FMNL2: variants seen among roughly 807,000 people sequenced by gnomAD.
The protein encoded by FMNL2 is formin like 2, also known as formin-like protein 2.
A neutral mutation model predicts 130.2 loss-of-function variants in FMNL2; 51 were observed. The observed-to-expected ratio is 0.39, with a 90% confidence interval of 0.31 to 0.49. The LOEUF (loss-of-function observed/expected upper bound fraction) is 0.49. FMNL2 is among the 20% of genes least tolerant of loss of function. The pLI is 0.85. For missense variants in FMNL2, 977 were observed against 1,316.2 expected (o/e 0.74, Z 3.99); for synonymous variants, 465 against 467.1 (o/e 1.00, Z 0.06).
chr2:152,457,078 A>T (rs866163058), intron 1 of FMNL2, among the ~76,000 whole-genome samples: 1 of 152,158 alleles, frequency 6.6e-6, no homozygotes, highest in African/African-American at 2.4e-5. Flanking sequence ...AATGGAGTTG[A>T]CTGTTAAACA....
At chr2:152,493,208 C>T (rs182410372) in intron 1 of FMNL2, among the ~76,000 whole-genome samples, 3 of 152,242 alleles carry the variant, frequency 2.0e-5, no homozygotes, top group East Asian at 1.9e-4. Flanking sequence ...AAAATGTTCT[C>T]GAGGTAGAGG....
Position 152,522,005 on chromosome 2 carries a change from A to G in FMNL2, c.180A>G (p.Lys60=), listed in dbSNP as rs752741344. The change falls in exon 2 of 26, where the codon AAA becomes AAG. Residue 60 remains lysine (K), a synonymous_variant. Coordinates refer to ENST00000288670, the MANE Select transcript of FMNL2 (RefSeq NM_052905.4). ...TGCGGCAGTATGATAATGAGAAAAA[A>G]TGGGAACTGATTTGTGATCAGGTAA... ...RLLRQYDNEK[K]WELICDQERF... is the part of the protein sequence containing the mutation. 1 of 1,611,388 alleles carries G rather than the reference A, an allele frequency of 6.2e-7. No individual in the cohort carries two copies. Among genetic ancestry groups the G allele is most frequent in the South Asian group, 1.1e-5 (1 of 90,142 alleles).
chr2:152,448,924 CT>C (rs1191124781), intron 1 of FMNL2, among the ~76,000 whole-genome samples: 1 of 152,198 alleles, frequency 6.6e-6, no homozygotes, highest in Non-Finnish European at 1.5e-5. Context: ...CTGTTTAGTG[CT>C]TTTAAGCCAT....
At chr2:152,339,944 G>C (rs1681704088) in intron 1 of FMNL2, among the ~76,000 whole-genome samples, 1 of 152,136 alleles carries the variant, frequency 6.6e-6, no homozygotes, top group Non-Finnish European at 1.5e-5. Flanking sequence ...ACTTTGGGAG[G>C]CTGAGGTGAG....
chr2:152,580,453 A>T (rs1228215410), intron 8 of FMNL2, among the ~76,000 whole-genome samples: 1 of 152,148 alleles, frequency 6.6e-6, no homozygotes, highest in Non-Finnish European at 1.5e-5. Flanking sequence ...AGAAACTTGT[A>T]TTTTCGTGGG....
chr2:152,509,663 G>A (rs1462187111), intron 1 of FMNL2, among the ~76,000 whole-genome samples: 1 of 150,902 alleles, frequency 6.6e-6, no homozygotes, highest in African/African-American at 2.4e-5. Context: ...TGGAGAGAAG[G>A]TGAGTGGGAT....
At chr2:152,522,053 T>C in intron 2 of FMNL2, 27 bp downstream of exon 2, 1 of 1,569,366 alleles carries the variant, frequency 6.4e-7, no homozygotes, top group South Asian at 1.2e-5. Context: ...CTTTCTTTTA[T>C]GAAAAAAGTA....
At chr2:152,400,806 T>G (rs1685651328) in intron 1 of FMNL2, among the ~76,000 whole-genome samples, 1 of 152,208 alleles carries the variant, frequency 6.6e-6, no homozygotes, top group Non-Finnish European at 1.5e-5. Context: ...CAACCAAAAA[T>G]GTCTGTAGAC....
chr2:152,395,688 A>G (rs896150709), intron 1 of FMNL2, among the ~76,000 whole-genome samples: 2 of 152,254 alleles, frequency 1.3e-5, no homozygotes, highest in Admixed American at 1.3e-4. Context: ...GCAGGCTCAC[A>G]TGAAATTGAG....
intron 1 of FMNL2, among the ~76,000 whole-genome samples, chr2:152,365,355 G>C (rs151313139): frequency 5.3e-5 from 8 of 152,250 alleles, no homozygotes; most frequent in African/African-American, 1.9e-4. Flanking sequence ...AGTTGCTATG[G>C]CTAGAAGAAC....
intron 2 of FMNL2, among the ~76,000 whole-genome samples, chr2:152,533,779 T>A (rs1693837942): frequency 6.6e-6 from 1 of 152,304 alleles, no homozygotes; most frequent in Admixed American, 6.5e-5. Context: ...TTTTAATATC[T>A]TGCAGGAATT....
chr2:152,467,039 C>CAGCT (rs1689585826), intron 1 of FMNL2, among the ~76,000 whole-genome samples: 1 of 152,194 alleles, frequency 6.6e-6, no homozygotes, highest in African/African-American at 2.4e-5. Context: ...GAGTGAGGTA[C>CAGCT]AGCTACTCCT....
chr2:152,459,736 G>A (rs2105117496), intron 1 of FMNL2, among the ~76,000 whole-genome samples: 1 of 152,304 alleles, frequency 6.6e-6, no homozygotes, highest in South Asian at 2.1e-4. Context: ...AGATAACTAT[G>A]TGAATACACT....
intron 1 of FMNL2, among the ~76,000 whole-genome samples, chr2:152,444,966 C>A (rs1688258226): frequency 6.6e-6 from 1 of 152,226 alleles, no homozygotes; most frequent in South Asian, 2.1e-4. Context: ...GGTTCACAAA[C>A]AGTTCTGTCG....
chr2:152,561,640 C>A (rs1407878508), intron 6 of FMNL2, among the ~76,000 whole-genome samples: 1 of 150,512 alleles, frequency 6.6e-6, no homozygotes, highest in Non-Finnish European at 1.5e-5. Context: ...GTGGCACAAT[C>A]TTGGCTCACT....
intron 17 of FMNL2, among the ~76,000 whole-genome samples, chr2:152,627,342 A>G (rs1681859207): frequency 6.6e-6 from 1 of 152,246 alleles, no homozygotes; most frequent in Admixed American, 6.5e-5. Context: ...TTACTCCTCT[A>G]TTAGAAGAAT....
chr2:152,647,105 T>C (rs1683655972), intron 25 of FMNL2, among the ~76,000 whole-genome samples: 1 of 151,406 alleles, frequency 6.6e-6, no homozygotes, highest in African/African-American at 2.4e-5. Context: ...AGTCCCCACT[T>C]CTCAGGAGGC....
chr2:152,589,987 A>ATGTATATGTATATGTATGTATATG (rs1553482701), intron 9 of FMNL2, among the ~76,000 whole-genome samples: 1 of 55,254 alleles, frequency 1.8e-5, no homozygotes, highest in Non-Finnish European at 3.4e-5. Context: ...ATATATATGT[A>ATGTATATGTATATGTATGTATATG]TATGTATATG....
chr2:152,647,913 A>G lies in FMNL2; in HGVS notation c.*8A>G. The G allele has an allele frequency of 6.2e-7, 1 of 1,608,274 alleles. No homozygotes were observed. Among genetic ancestry groups the G allele is most frequent in the Non-Finnish European group, 8.5e-7 (1 of 1,176,620 alleles). On this transcript the variant is annotated 3_prime_UTR_variant, in exon 26 of 26. Coordinates refer to ENST00000288670, the MANE Select transcript of FMNL2 (RefSeq NM_052905.4). Reference sequence around the variant, plus strand: ...GCCGAAATAACAATGTGAACCTGAGACTGGCCTGCATGAATACAGGGTGTG... The same window carrying G: ...GCCGAAATAACAATGTGAACCTGAGGCTGGCCTGCATGAATACAGGGTGTG...
Sources: allele counts gnomAD v4.1 joint callset (sites outside exome capture counted in the v4.1 genomes callset), GRCh38; gene constraint gnomAD v4.1.1; transcripts MANE v1.5; gene names NCBI Gene and HGNC (gene_info 2026-07-23, HGNC 2026-07-21).